PPP2CA: variants seen among roughly 807,000 people sequenced by gnomAD.
PPP2CA encodes serine/threonine-protein phosphatase 2A catalytic subunit alpha isoform.
PPP2CA carries 5 observed loss-of-function variants against 38.8 expected under a neutral mutation model. The ratio of observed to expected loss-of-function variants is 0.13; its 90% confidence interval spans 0.07 to 0.27. The LOEUF (loss-of-function observed/expected upper bound fraction) is 0.27, where lower values mean the gene tolerates loss of function less well. Ranked by LOEUF, PPP2CA falls within the 10% of genes least tolerant of loss-of-function variation. PPP2CA has a pLI of 1.00. For missense variants in PPP2CA, 88 were observed against 389.7 expected, an observed-to-expected ratio of 0.23 and a Z score of 6.52; for synonymous variants, 152 against 134.0, an observed-to-expected ratio of 1.13 and a Z score of -0.93.
Position 134,197,890 on chromosome 5 carries a change from G to C in PPP2CA, c.858-46C>G, listed in dbSNP as rs376210353. On this transcript the variant is annotated intron_variant, in intron 6 of 6. Transcript: ENST00000481195. ...ATGGTTTATGTTCCACGACCTCCAT[G>C]TAGTGACAATCAAGATCAAGAACAT... The C allele has an allele frequency of 8.0e-6, 12 of 1,502,614 alleles. No individual in the cohort carries two copies. In the African/African-American group the frequency reaches 1.5e-4, roughly 19 times the overall value. The allele number at this position is 1,502,614 out of a possible 1,614,324, so 93.1% of individuals were successfully genotyped here.
chr5:134,206,748 C>T (rs1762092570), intron 1 of PPP2CA, among the ~76,000 whole-genome samples: 1 of 152,236 alleles, frequency 6.6e-6, no homozygotes, highest in African/African-American at 2.4e-5. Flanking sequence ...GCCACCTCAC[C>T]TCAGCCCTGT....
At chr5:134,211,546 G>C (rs1316596230) in intron 1 of PPP2CA, among the ~76,000 whole-genome samples, 1 of 150,656 alleles carries the variant, frequency 6.6e-6, no homozygotes, top group African/African-American at 2.4e-5. Context: ...GTGCGATCTC[G>C]GTTCGCTGCA....
At position 134,195,817 on chromosome 5, in the gene PPP2CA, T is replaced by A. The variant is rs913489804; in HGVS notation, c.*1955A>T. On this transcript the variant is annotated 3_prime_UTR_variant, in exon 7 of 7. Coordinates refer to ENST00000481195, the MANE Select transcript of PPP2CA (RefSeq NM_002715.4). Reference sequence around the variant, plus strand: ...CCCTAGTTATGCTAAAACCAAGCTATTCTTATCACAAGTCCCATTCTGCTA... The same window carrying A: ...CCCTAGTTATGCTAAAACCAAGCTAATCTTATCACAAGTCCCATTCTGCTA... 1 of 152,234 alleles carries A rather than the reference T, an allele frequency of 6.6e-6. No homozygotes were observed. The highest frequency in any genetic ancestry group is 2.4e-5 in the African/African-American group (1 of 41,458). 9.4% of individuals were successfully genotyped at this position (152,234 alleles called of 1,614,324 possible). A position where few individuals can be genotyped will look rare whatever the true frequency, so the allele number is the denominator to read the frequency against.
intron 3 of PPP2CA, 42 bp downstream of exon 3, chr5:134,201,806 G>A (rs749119357): frequency 6.3e-7 from 1 of 1,589,020 alleles, no homozygotes; most frequent in Admixed American, 1.8e-5. Context: ...AAAGAAAGCA[G>A]ATTCTCTGAA....
intron 1 of PPP2CA, among the ~76,000 whole-genome samples, chr5:134,216,557 A>AG (rs1554113446): frequency 9.0e-6 from 1 of 111,084 alleles, no homozygotes; most frequent in Non-Finnish European, 1.8e-5. Context: ...AAAAAAAAAA[A>AG]GTGGTTTCCT....
chr5:134,212,066 C>T (rs1254222896), intron 1 of PPP2CA, among the ~76,000 whole-genome samples: 1 of 152,088 alleles, frequency 6.6e-6, no homozygotes, highest in Non-Finnish European at 1.5e-5. Flanking sequence ...TTGCAGTGAG[C>T]GGAGACCGCA....
intron 1 of PPP2CA, among the ~76,000 whole-genome samples, chr5:134,208,499 C>T (rs1295855117): frequency 6.6e-6 from 1 of 151,906 alleles, no homozygotes; most frequent in African/African-American, 2.4e-5. Flanking sequence ...CTACACAATC[C>T]CACCCCCTTT....
intron 1 of PPP2CA, among the ~76,000 whole-genome samples, chr5:134,222,380 TC>T (rs1313357862): frequency 6.6e-6 from 1 of 152,180 alleles, no homozygotes; most frequent in Non-Finnish European, 1.5e-5. Flanking sequence ...GTCATCTTGG[TC>T]AAATATTTTT....
At chr5:134,219,428 C>T (rs558463243) in intron 1 of PPP2CA, among the ~76,000 whole-genome samples, 2 of 152,318 alleles carry the variant, frequency 1.3e-5, no homozygotes, top group South Asian at 4.1e-4. Flanking sequence ...ACACATGCTA[C>T]TGCTTGTCTC....
chr5:134,200,863 G>C (rs1216913810), intron 4 of PPP2CA, 122 bp downstream of exon 4: 2 of 796,772 alleles, frequency 2.5e-6, no homozygotes, highest in Admixed American at 2.4e-5. Context: ...GCAGACAAGA[G>C]TGCTCACACC....
intron 1 of PPP2CA, among the ~76,000 whole-genome samples, chr5:134,209,485 A>G (rs1471271854): frequency 6.6e-6 from 1 of 152,202 alleles, no homozygotes; most frequent in East Asian, 1.9e-4. Flanking sequence ...ATAAAAGATC[A>G]TTTTGGGCTG....
chr5:134,219,972 C>A (rs1210117242), intron 1 of PPP2CA, among the ~76,000 whole-genome samples: 1 of 142,482 alleles, frequency 7.0e-6, no homozygotes, highest in Non-Finnish European at 1.5e-5. Flanking sequence ...GATCATGCAA[C>A]TGTACTCTGG....
At chr5:134,225,459 C>T in intron 1 of PPP2CA, 1 of 310,134 alleles carries the variant, frequency 3.2e-6, no homozygotes, top group South Asian at 4.2e-5. Flanking sequence ...CCGTCCCTGA[C>T]GATGACCCAC....
At chr5:134,214,399 C>T (rs1308094839) in intron 1 of PPP2CA, among the ~76,000 whole-genome samples, 2 of 152,142 alleles carry the variant, frequency 1.3e-5, no homozygotes, top group Non-Finnish European at 2.9e-5. Flanking sequence ...AGTATTATTG[C>T]TCATTTGAAT....
At chr5:134,204,286 G>A (rs1348466959) in intron 2 of PPP2CA, among the ~76,000 whole-genome samples, 1 of 152,160 alleles carries the variant, frequency 6.6e-6, no homozygotes, top group Non-Finnish European at 1.5e-5. Context: ...TTTGGGTAAA[G>A]GTAAAGTCAA....
At chr5:134,210,850 A>T (rs1320105183) in intron 1 of PPP2CA, among the ~76,000 whole-genome samples, 3 of 152,194 alleles carry the variant, frequency 2.0e-5, no homozygotes, top group African/African-American at 7.2e-5. Context: ...TTAGTACCAC[A>T]CTGGTTTTGA....
At chr5:134,217,139 G>A (rs146374310) in intron 1 of PPP2CA, among the ~76,000 whole-genome samples, 2,537 of 152,254 alleles carry the variant, frequency 0.017, 27 homozygotes, top group Non-Finnish European at 0.025. Context: ...AATTAGCTGG[G>A]TGTGGTGGCG....
chr5:134,199,451 G>T, intron 5 of PPP2CA: 2 of 282,294 alleles, frequency 7.1e-6, no homozygotes, highest in South Asian at 9.4e-5. Context: ...AAAAAAAAAA[G>T]GCTTTAACAA....
At chr5:134,214,676 T>C (rs1762279879) in intron 1 of PPP2CA, among the ~76,000 whole-genome samples, 1 of 152,246 alleles carries the variant, frequency 6.6e-6, no homozygotes, top group Admixed American at 6.5e-5. Context: ...ATGAATATTT[T>C]TGAACATCTG....
Sources: gnomAD v4.1 joint callset for allele counts (sites outside exome capture counted in the v4.1 genomes callset) on GRCh38, gnomAD v4.1.1 for gene constraint, MANE v1.5 for transcripts, NCBI Gene and HGNC (gene_info 2026-07-23, HGNC 2026-07-21) for gene names.